Variants in XAB2 observed in about 807,000 individuals in gnomAD.
XAB2 encodes the protein pre-mRNA-splicing factor SYF1.
A neutral mutation model predicts 113.4 loss-of-function variants in XAB2; 57 were observed. The ratio of observed to expected loss-of-function variants is 0.50; its 90% CI spans 0.41 to 0.63. The LOEUF (loss-of-function observed/expected upper bound fraction) is 0.63. Ranked by LOEUF, XAB2 falls within the 20% of genes least tolerant of loss-of-function variation. The pLI is 0.00. For synonymous variants in XAB2, 497 were observed against 498.8 expected (o/e 1.00, Z 0.05); for missense variants, 1,037 against 1,233.3 (o/e 0.84, Z 2.38).
In XAB2 at chr19:7,620,580, G is replaced by C; in HGVS notation, c.2061C>G (p.Ile687Met). 1 of 1,613,416 alleles carries C rather than the reference G, an allele frequency of 6.2e-7. No individual in the cohort carries two copies. Among genetic ancestry groups the C allele is most frequent in the Non-Finnish European group, 8.5e-7 (1 of 1,179,946 alleles). ...KLGEIDRARA[I>M]YSFCSQICDP... The stretch of plus-strand genomic sequence containing the variant: ...CACAGATCTGGGAGCAGAAGCTGTA[G>C]ATGGCCCGGGCGCGGTCAATCTCCC... The change falls in exon 15 of 19, where the codon ATC (isoleucine) becomes ATG (methionine). Residue 687 changes from isoleucine (I) to methionine (M), a missense_variant. Ile to Met is a conservative substitution (Grantham distance 10). Transcript: ENST00000358368.
Position 7,625,959 on chromosome 19 carries a change from A to G in XAB2, c.743T>C (p.Leu248Pro), listed in dbSNP as rs2031131176. ...LNVDAIIRGG[L>P]TRFTDQLGKL... is the part of the protein sequence containing the mutation. ...GCCCAGCTGGTCGGTGAAGCGGGTG[A>G]GGCCCCCGCGGATGATGGCGTCCAC... Residue 248 changes from leucine (L) to proline (P), a missense_variant, in exon 6 of 19, where the codon CTC (leucine) becomes CCC (proline). Physicochemically the swap from Leu to Pro is moderately conservative, Grantham distance 98. Transcript: ENST00000358368. This position sits in a 1 kb window ranked among gnomAD's most constrained non-coding sequence, Gnocchi z 5.2. 1 of 1,613,700 alleles carries G rather than the reference A, an allele frequency of 6.2e-7. No homozygotes were observed. Among genetic ancestry groups the G allele is most frequent in the Admixed American group, 1.7e-5 (1 of 59,968 alleles).
intron 9 of XAB2, 94 bp from the exon 10 acceptor site, chr19:7,622,987 C>T: frequency 1.3e-6 from 2 of 1,557,222 alleles, no homozygotes; most frequent in Non-Finnish European, 1.7e-6. Flanking sequence ...CACAAACATA[C>T]AGGCACAAAC....
Position 7,619,584 on chromosome 19 carries a change from G to C in XAB2, c.*2C>G. ...GGGGAGGGGGGATGGGGGAGGGACG[G>C]GTCAGTCTTCCTTCAGGCTCCCAAA... On this transcript the variant is annotated 3_prime_UTR_variant, in exon 19 of 19. Transcript: ENST00000358368. 1.3e-6 allele frequency: 2 copies of C among 1,581,602 alleles called. No homozygotes were observed. Among genetic ancestry groups the C allele is most frequent in the Middle Eastern group, 1.9e-4 (1 of 5,368 alleles).
chr19:7,620,552 G>T lies in XAB2; in HGVS notation c.2089C>A (p.Pro697Thr). The T allele has an allele frequency of 1.2e-6, 2 of 1,613,348 alleles. No individual in the cohort carries two copies. Reference sequence around the variant, plus strand: ...GTCCCTCCCCACAGCCCTACCCGGGGGTCACAGATCTGGGAGCAGAAGCTG... The same window carrying T: ...GTCCCTCCCCACAGCCCTACCCGGGTGTCACAGATCTGGGAGCAGAAGCTG... Reference protein sequence around the residue: ...IYSFCSQICDPRTTGAFWQTW... With the variant: ...IYSFCSQICDTRTTGAFWQTW... The change falls in exon 15 of 19, where the codon CCC becomes ACC. Residue 697 changes from proline to threonine, a missense_variant. By Grantham distance (38) the Pro-to-Thr change is conservative. Transcript: ENST00000358368.
In XAB2 at chr19:7,622,855, G is replaced by C; in HGVS notation, c.1278C>G (p.Phe426Leu). The C allele has an allele frequency of 6.2e-7, 1 of 1,613,970 alleles. No individual in the cohort carries two copies. The highest frequency in any genetic ancestry group is 2.2e-5 in the East Asian group (1 of 44,858). Reference sequence around the variant, plus strand: ...CGCTTGCCAGGTCATCCACCTGCTTGAAGTTCACCTTGGTGGCCTTCTCCA... The same window carrying C: ...CGCTTGCCAGGTCATCCACCTGCTTCAAGTTCACCTTGGTGGCCTTCTCCA... The part of the protein sequence containing the change: ...VILEKATKVN[F>L]KQVDDLASVW... Residue 426 changes from phenylalanine to leucine, a missense_variant, in exon 10 of 19, where the codon TTC becomes TTG. Coordinates refer to ENST00000358368, the MANE Select transcript of XAB2 (RefSeq NM_020196.3).
At chr19:7,626,084 G>A (rs2031134172) in intron 5 of XAB2, 40 bp from the exon 6 acceptor site, 1 of 1,611,684 alleles carries the variant, frequency 6.2e-7, no homozygotes, top group Non-Finnish European at 8.5e-7. Flanking sequence ...CTCAGGCTCA[G>A]TCATGGAGGG....
intron 1 of XAB2, 81 bp downstream of exon 1, chr19:7,629,396 G>A: frequency 1.3e-6 from 2 of 1,525,422 alleles, no homozygotes; most frequent in South Asian, 2.4e-5. Context: ...AAATCTCCTT[G>A]CCGACCCAGC....
rs1568454702 is a variant in XAB2, at chr19:7,624,723, C to T, written c.823-278G>A. 6.6e-6 allele frequency among the ~76,000 whole-genome samples: 1 copy of T among 152,202 alleles called. No individual in the cohort carries two copies. The highest frequency in any genetic ancestry group is 1.5e-5 in the Non-Finnish European group (1 of 68,022). The stretch of plus-strand genomic sequence containing the variant: ...GTGACCTCAGGGCTCGACTGAGACA[C>T]ATGTGTGAAGCACTTGGCACCCAAT... On this transcript the variant is annotated intron_variant, in intron 6 of 18. Transcript: ENST00000358368. This position sits in a 1 kb window ranked among gnomAD's most constrained non-coding sequence, Gnocchi z 4.2.
At position 7,623,803 on chromosome 19, in the gene XAB2, C is replaced by T. The variant is rs746487348; in HGVS notation, c.1047G>A (p.Leu349=). 4 of 1,612,100 alleles carry T rather than the reference C, an allele frequency of 2.5e-6. No homozygotes were observed. Among genetic ancestry groups the T allele is most frequent in the Admixed American group, 1.7e-5 (1 of 59,944 alleles). The change falls in exon 8 of 19, where the codon TTG becomes TTA. Residue 349 remains leucine, a synonymous_variant. Transcript: ENST00000358368. This position sits in a 1 kb window ranked among gnomAD's most constrained non-coding sequence, Gnocchi z 4.6. ...GCACGTGGTGTGGGTTTTGGCGCAG[C>T]AAGACGCTGTTGAGGAGCAGGGGCC... is the stretch of plus-strand genomic sequence containing the variant. ...SRRPLLLNSV[L]LRQNPHHVHE...
Position 7,621,017 on chromosome 19 carries a change from T to C in XAB2, c.1800A>G (p.Ala600=), listed in dbSNP as rs906524959. ...KYAKTLYLLY[A]QLEEEWGLAR... is the part of the protein sequence containing the mutation. ...CCAGGCCCCACTCCTCCTCCAGCTG[T>C]GCGTACAGCAGGTACAAGGCTGGGC... is the stretch of plus-strand genomic sequence containing the variant. Residue 600 remains alanine (A), a synonymous_variant, in exon 14 of 19, where the codon GCA becomes GCG. Transcript: ENST00000358368. The C allele has an allele frequency of 6.4e-7, 1 of 1,558,720 alleles. No homozygotes were observed. Among genetic ancestry groups the C allele is most frequent in the Admixed American group, 1.9e-5 (1 of 51,698 alleles).
Position 7,627,855 on chromosome 19 carries a change from G to T in XAB2, c.201-4C>A. 6.2e-7 allele frequency: 1 copy of T among 1,611,636 alleles called. No individual in the cohort carries two copies. Among genetic ancestry groups the T allele is most frequent in the East Asian group, 2.2e-5 (1 of 44,796 alleles). Reference sequence around the variant, plus strand: ...GTATCGGTACCAGAGTTTGTAGCTGGGGAATAGGAGGGGACAGATGCTGAT... The same window carrying T: ...GTATCGGTACCAGAGTTTGTAGCTGTGGAATAGGAGGGGACAGATGCTGAT... On this transcript the variant is annotated splice_region_variant and splice_polypyrimidine_tract_variant and intron_variant, in intron 2 of 18. Coordinates refer to ENST00000358368, the MANE Select transcript of XAB2 (RefSeq NM_020196.3). The surrounding 1 kb of genome is among the most constrained non-coding windows in gnomAD (Gnocchi z 4.5).
chr19:7,621,154 G>A lies in XAB2; in HGVS notation c.1761C>T (p.Cys587=), dbSNP rs199752617. The A allele has an allele frequency of 1.9e-6, 3 of 1,609,892 alleles. No individual in the cohort carries two copies. The highest frequency in any genetic ancestry group is 1.7e-5 in the Admixed American group (1 of 59,658). ...CCTCACTCTTGGCATATTTTGGGGG[G>A]CAGCCGTCCAGAGCCTGTTCAAACA... ...RDLFEQALDG[C]PPKYAKTLYL... is the part of the protein sequence containing the mutation. The change falls in exon 13 of 19, where the codon TGC becomes TGT. Residue 587 remains cysteine (C), a synonymous_variant. Coordinates refer to ENST00000358368, the MANE Select transcript of XAB2 (RefSeq NM_020196.3).
In XAB2 at chr19:7,623,693, TG is replaced by T; in HGVS notation, c.1119+37del. 6.5e-7 allele frequency: 1 copy of T among 1,543,078 alleles called. No homozygotes were observed. The highest frequency in any genetic ancestry group is 8.7e-7 in the Non-Finnish European group (1 of 1,149,350). On this transcript the variant is annotated intron_variant, in intron 8 of 18. Transcript: ENST00000358368. The surrounding 1 kb of genome is among the most constrained non-coding windows in gnomAD (Gnocchi z 4.6). The stretch of plus-strand genomic sequence containing the variant: ...GTGGCTCCCCAGTTCTGCAGGAAAC[TG>T]GCCCTCAGGGGTAGGACTGGGGCAG...
At position 7,627,979 on chromosome 19, in the gene XAB2, C is replaced by A; in HGVS notation, c.201-128G>T. 6.7e-7 allele frequency: 1 copy of A among 1,502,100 alleles called. No individual in the cohort carries two copies. 93.0% of individuals were successfully genotyped at this position (1,502,100 alleles called of 1,614,324 possible). A position where few individuals can be genotyped will look rare whatever the true frequency, so the allele number is the denominator to read the frequency against. On this transcript the variant is annotated intron_variant, in intron 2 of 18. Transcript: ENST00000358368. The surrounding 1 kb of genome is among the most constrained non-coding windows in gnomAD (Gnocchi z 4.5). ...GAGGGGTGACATGTCTCAGCAATGA[C>A]AGGGACAGACTGGGACATCAGAGAA...
In XAB2 at chr19:7,628,070, G is replaced by A. The variant is rs1197678859; in HGVS notation, c.200+80C>T. On this transcript the variant is annotated intron_variant, in intron 2 of 18. Coordinates refer to ENST00000358368, the MANE Select transcript of XAB2 (RefSeq NM_020196.3). This position sits in a 1 kb window ranked among gnomAD's most constrained non-coding sequence, Gnocchi z 4.6. ...AACACGAAGCAATCACCCGGGACCC[G>A]GGACCCACTTGGCAGTTTTGTTATA... 1.6e-5 allele frequency: 24 copies of A among 1,541,346 alleles called. No individual in the cohort carries two copies. The highest frequency in any genetic ancestry group is 3.9e-5 in the Admixed American group (2 of 51,238).
chr19:7,620,938 G>A lies in XAB2; in HGVS notation c.1879C>T (p.Gln627Ter). ...ERATRAVEPA[Q>*]QYDMFNIYIK... ...TAGATGTTGAACATGTCATACTGCTGGGCGGGCTCCACGGCCCTGGTGGCA... is the reference window on the plus strand; with the variant it reads ...TAGATGTTGAACATGTCATACTGCTAGGCGGGCTCCACGGCCCTGGTGGCA... The change falls in exon 14 of 19, where the codon CAG becomes TAG. Residue 627 changes from glutamine (Q) to a stop codon, truncating the protein, a stop_gained. Coordinates refer to ENST00000358368, the MANE Select transcript of XAB2 (RefSeq NM_020196.3). LOFTEE classifies it high-confidence loss of function. 6.3e-7 allele frequency: 1 copy of A among 1,593,818 alleles called. No homozygotes were observed. Among genetic ancestry groups the A allele is most frequent in the Non-Finnish European group, 8.5e-7 (1 of 1,172,152 alleles).
In XAB2 at chr19:7,628,655, A is replaced by G. The variant is rs1275077796; in HGVS notation, c.52-357T>C. ...GGCCCAGATGCCAGTCCTGGACACC[A>G]GACCCCACTTCTTCAAAACGTGCCT... is the stretch of plus-strand genomic sequence containing the variant. On this transcript the variant is annotated intron_variant, in intron 1 of 18. Coordinates refer to ENST00000358368, the MANE Select transcript of XAB2 (RefSeq NM_020196.3). This position sits in a 1 kb window ranked among gnomAD's most constrained non-coding sequence, Gnocchi z 4.6. Among the ~76,000 whole-genome samples, 1 of 150,420 alleles carries G rather than the reference A, an allele frequency of 6.6e-6. No homozygotes were observed. The highest frequency in any genetic ancestry group is 1.5e-5 in the Non-Finnish European group (1 of 67,464).
At position 7,625,748 on chromosome 19, in the gene XAB2, G is replaced by C. The variant is rs2031126179; in HGVS notation, c.822+132C>G. On this transcript the variant is annotated intron_variant, in intron 6 of 18. Coordinates refer to ENST00000358368, the MANE Select transcript of XAB2 (RefSeq NM_020196.3). This position sits in a 1 kb window ranked among gnomAD's most constrained non-coding sequence, Gnocchi z 5.2. ...ACCGCCTCGGCCTCCCAAAGTGCTG[G>C]GATGACAGGTGTGAGCCACCACACC... is the stretch of plus-strand genomic sequence containing the variant. 38 of 1,287,686 alleles carry C rather than the reference G, an allele frequency of 3.0e-5. 1 individual carries two copies. In the South Asian group the frequency reaches 4.6e-4, roughly 16 times the overall value. 79.8% of individuals were successfully genotyped at this position (1,287,686 alleles called of 1,614,324 possible). A position where few individuals can be genotyped will look rare whatever the true frequency, so the allele number is the denominator to read the frequency against.
Position 7,623,293 on chromosome 19 carries a change from G to A in XAB2, c.1120-4C>T. ...CCTCTGTGTAGGTGTTGATGATCTG[G>A]GGACAGGAGGGAGGAGGTCATATAG... On this transcript the variant is annotated splice_polypyrimidine_tract_variant and splice_region_variant and intron_variant, in intron 8 of 18. Transcript: ENST00000358368. This position sits in a 1 kb window ranked among gnomAD's most constrained non-coding sequence, Gnocchi z 4.6. 1 of 1,613,268 alleles carries A rather than the reference G, an allele frequency of 6.2e-7. No individual in the cohort carries two copies. The highest frequency in any genetic ancestry group is 8.5e-7 in the Non-Finnish European group (1 of 1,179,960).
Sources: gnomAD v4.1 joint callset for allele counts (sites outside exome capture counted in the v4.1 genomes callset) on GRCh38, gnomAD v4.1.1 for gene constraint, Gnocchi (gnomAD v3.1) non-coding constraint, MANE v1.5 for transcripts, NCBI Gene and HGNC (gene_info 2026-07-23, HGNC 2026-07-21) for gene names.